Variants in STX4 observed in about 807,000 individuals in gnomAD.
The protein encoded by STX4 is syntaxin-4.
Under a neutral mutation model 41.8 loss-of-function variants are expected in STX4, and 24 were observed. The ratio of observed to expected loss-of-function variants is 0.57; its 90% CI spans 0.42 to 0.81. STX4 has a LOEUF of 0.81. Ranked by LOEUF, STX4 falls within the 30% of genes least tolerant of loss-of-function variation. The pLI, the probability that STX4 is intolerant of heterozygous loss-of-function variation, is 0.00. For synonymous variants in STX4, 158 were observed against 156.4 expected (o/e 1.01, Z -0.08); for missense variants, 316 against 389.9 (o/e 0.81, Z 1.60).
chr16:31,033,409 A>G, upstream of STX4: 1 of 1,377,014 alleles, frequency 7.3e-7, no homozygotes, highest in Non-Finnish European at 1.0e-6. This position sits in a 1 kb window ranked among gnomAD's most constrained non-coding sequence, Gnocchi z 5.5. Flanking sequence ...GGAAGATGCA[A>G]CGGTTCCGGT....
chr16:31,033,207 G>C (rs1244584272), upstream of STX4: 3 of 627,884 alleles, frequency 4.8e-6, no homozygotes, highest in Non-Finnish European at 6.1e-6. The surrounding 1 kb of genome is among the most constrained non-coding windows in gnomAD (Gnocchi z 5.5). Flanking sequence ...TGATGAGAAC[G>C]GCGTCCCAGA....
At chr16:31,036,969 G>T (rs905332360) in intron 5 of STX4, among the ~76,000 whole-genome samples, 1 of 151,316 alleles carries the variant, frequency 6.6e-6, no homozygotes, top group African/African-American at 2.4e-5. Context: ...CGTGGCTCAC[G>T]CCTGTAATCC....
chr16:31,033,984 G>T lies in STX4; in HGVS notation c.31-29G>T. On this transcript the variant is annotated intron_variant, in intron 1 of 10. Coordinates refer to ENST00000313843, the MANE Select transcript of STX4 (RefSeq NM_004604.5). The surrounding 1 kb of genome is among the most constrained non-coding windows in gnomAD (Gnocchi z 5.5). ...TGCGGGGTAAGAGCCGCAGCGAAAC[G>T]GTGGTGCCAATGACTCCGGGCCTGG... The T allele has an allele frequency of 6.5e-7, 1 of 1,546,972 alleles. No individual in the cohort carries two copies. Among genetic ancestry groups the T allele is most frequent in the African/African-American group, 1.4e-5 (1 of 73,356 alleles).
chr16:31,033,222 G>A, upstream of STX4: 2 of 645,772 alleles, frequency 3.1e-6, no homozygotes, highest in Non-Finnish European at 5.9e-6. This position sits in a 1 kb window ranked among gnomAD's most constrained non-coding sequence, Gnocchi z 5.5. Flanking sequence ...CCCAGAGACG[G>A]CGGTGACAGA....
chr16:31,037,658 C>T (rs1046986864), intron 5 of STX4, among the ~76,000 whole-genome samples: 5 of 146,032 alleles, frequency 3.4e-5, no homozygotes, highest in African/African-American at 1.3e-4. Flanking sequence ...GAAACTCTGT[C>T]TCAAAAAACA....
chr16:31,038,403 T>G (rs2056819316), intron 7 of STX4, 107 bp from the exon 8 acceptor site: 23 of 1,493,916 alleles, frequency 1.5e-5, no homozygotes, highest in Non-Finnish European at 2.1e-5. Context: ...CTGCCTGGAG[T>G]CACCCATCAG....
At chr16:31,037,617 GC>G (rs1247621097) in intron 5 of STX4, among the ~76,000 whole-genome samples, 1 of 151,262 alleles carries the variant, frequency 6.6e-6, no homozygotes, top group Non-Finnish European at 1.5e-5. Flanking sequence ...CCGAGATTGT[GC>G]CACTGCACTC....
upstream of STX4, chr16:31,033,356 C>T (rs1309664575): frequency 1.2e-6 from 1 of 864,022 alleles, no homozygotes. The surrounding 1 kb of genome is among the most constrained non-coding windows in gnomAD (Gnocchi z 5.5). Flanking sequence ...GGATTACGTA[C>T]AAATGACGTA....
At chr16:31,035,367 C>A (rs2056792138) in intron 5 of STX4, among the ~76,000 whole-genome samples, 1 of 152,194 alleles carries the variant, frequency 6.6e-6, no homozygotes. Context: ...GCTGGGATTA[C>A]AGGCGGACAC....
chr16:31,039,943 C>A lies in STX4; in HGVS notation c.*47C>A. The A allele has an allele frequency of 1.0e-6, 1 of 962,306 alleles. No individual in the cohort carries two copies. Among genetic ancestry groups the A allele is most frequent in the Non-Finnish European group, 1.6e-6 (1 of 627,166 alleles). 59.6% of individuals were successfully genotyped at this position (962,306 alleles called of 1,614,324 possible). On this transcript the variant is annotated 3_prime_UTR_variant, in exon 11 of 11. Transcript: ENST00000313843. The surrounding 1 kb of genome is among the most constrained non-coding windows in gnomAD (Gnocchi z 4.1). ...GGAGCACCAGGAACCCAGGGCCTGG[C>A]CTTCTCTCCCAGCAGCCTGGGGGGC...
chr16:31,035,143 A>T, intron 5 of STX4, 103 bp downstream of exon 5: 4 of 870,650 alleles, frequency 4.6e-6, no homozygotes, highest in African/African-American at 1.8e-5. Flanking sequence ...ATGGAGTCCA[A>T]TTGGATGACT....
chr16:31,037,354 G>A (rs558509726), intron 5 of STX4, among the ~76,000 whole-genome samples: 123 of 150,250 alleles, frequency 8.2e-4, no homozygotes, highest in African/African-American at 2.7e-3. Flanking sequence ...ATGAGCCACC[G>A]TGCCCGGCCA....
In STX4 at chr16:31,038,659, G is replaced by A. The variant is rs772733656; in HGVS notation, c.702+12G>A. 3.7e-5 allele frequency: 60 copies of A among 1,612,382 alleles called. No homozygotes were observed. The highest frequency in any genetic ancestry group is 4.4e-5 in the Non-Finnish European group (52 of 1,179,418). Reference sequence around the variant, plus strand: ...AAGTGGAGATGCAGGTGGGTGCCCCGCGCAGCCCCAGACGTGAGACCAGGC... The same window carrying A: ...AAGTGGAGATGCAGGTGGGTGCCCCACGCAGCCCCAGACGTGAGACCAGGC... On this transcript the variant is annotated intron_variant, in intron 8 of 10. Coordinates refer to ENST00000313843, the MANE Select transcript of STX4 (RefSeq NM_004604.5).
chr16:31,033,312 G>T (rs2056768470), upstream of STX4: 1 of 739,640 alleles, frequency 1.4e-6, no homozygotes, highest in South Asian at 1.5e-5. The surrounding 1 kb of genome is among the most constrained non-coding windows in gnomAD (Gnocchi z 5.5). Flanking sequence ...ACGCGGTGGG[G>T]GCACCATGGG....
At chr16:31,038,400 G>A in intron 7 of STX4, 110 bp from the exon 8 acceptor site, 1 of 1,484,192 alleles carries the variant, frequency 6.7e-7, no homozygotes. Context: ...AGCCTGCCTG[G>A]AGTCACCCAT....
rs754721884 is a variant in STX4 at position 31,034,092 on chromosome 16, C to T, written c.110C>T (p.Pro37Leu). The change falls in exon 2 of 11, where the codon CCG (proline) becomes CTG (leucine). Residue 37 changes from proline (P) to leucine (L), a missense_variant. Transcript: ENST00000313843. The part of the protein sequence containing the change: ...VHPGTARLGS[P>L]DEEFFHKVRT... ...CCGGGCACGGCACGGCTGGGGAGCC[C>T]GGACGAGGAGTTCTTCCACAAGGTA... 1 of 1,609,210 alleles carries T rather than the reference C, an allele frequency of 6.2e-7. No homozygotes were observed. The highest frequency in any genetic ancestry group is 8.5e-7 in the Non-Finnish European group (1 of 1,176,932).
chr16:31,037,918 A>G lies in STX4; in HGVS notation c.379-8A>G. On this transcript the variant is annotated splice_region_variant and splice_polypyrimidine_tract_variant and intron_variant, in intron 5 of 10. Transcript: ENST00000313843. ...CAGGGGCACTCAGCCTATATTCTTCATCTTTAGCATGGGGTCCTGTCCCAG... is the reference window on the plus strand; with the variant it reads ...CAGGGGCACTCAGCCTATATTCTTCGTCTTTAGCATGGGGTCCTGTCCCAG... 2 of 1,613,902 alleles carry G rather than the reference A, an allele frequency of 1.2e-6. No individual in the cohort carries two copies. Among genetic ancestry groups the G allele is most frequent in the Non-Finnish European group, 1.7e-6 (2 of 1,179,918 alleles).
At position 31,039,419 on chromosome 16, in the gene STX4, A is replaced by G. The variant is rs2143729073; in HGVS notation, c.703-122A>G. On this transcript the variant is annotated intron_variant, in intron 8 of 10. Transcript: ENST00000313843. This position sits in a 1 kb window ranked among gnomAD's most constrained non-coding sequence, Gnocchi z 4.1. ...AAGGAGTCTGAACTTTTGTCAGATC[A>G]AGTCTTGCCCTTGTCTTTGTTAGTG... is the stretch of plus-strand genomic sequence containing the variant. The G allele has an allele frequency of 2.1e-6, 2 of 936,948 alleles. No homozygotes were observed. Among genetic ancestry groups the G allele is most frequent in the East Asian group, 2.5e-5 (1 of 39,392 alleles). 58.0% of individuals were successfully genotyped at this position (936,948 alleles called of 1,614,324 possible).
upstream of STX4, chr16:31,033,119 G>A (rs1179731203): frequency 5.6e-6 from 3 of 535,520 alleles, no homozygotes; most frequent in Admixed American, 6.8e-5. This position sits in a 1 kb window ranked among gnomAD's most constrained non-coding sequence, Gnocchi z 5.5. Flanking sequence ...AAGGCCTCTG[G>A]GGGTGGTCGG....
Sources: allele counts gnomAD v4.1 joint callset (sites outside exome capture counted in the v4.1 genomes callset), GRCh38; gene constraint gnomAD v4.1.1; non-coding constraint Gnocchi (gnomAD v3.1); transcripts MANE v1.5; gene names NCBI Gene and HGNC (gene_info 2026-07-23, HGNC 2026-07-21).